The following SNTB1 variants were observed in gnomAD, a reference collection of about 807,000 sequenced individuals.
The protein encoded by SNTB1 is beta-1-syntrophin.
A neutral mutation model predicts 48.9 loss-of-function variants in SNTB1; 36 were observed. The observed-to-expected ratio is 0.74, with a 90% CI of 0.56 to 0.97. SNTB1 has a LOEUF of 0.97. SNTB1 is among the 50% of genes least tolerant of loss of function. SNTB1 has a pLI of 0.00. For missense variants in SNTB1, 786 were observed against 703.4 expected (o/e 1.12, Z -1.33); for synonymous variants, 299 against 294.6 (o/e 1.01, Z -0.15).
intron 1 of SNTB1, among the ~76,000 whole-genome samples, chr8:120,801,914 C>T (rs1408700856): frequency 1.3e-5 from 2 of 152,100 alleles, no homozygotes; most frequent in African/African-American, 4.8e-5. Flanking sequence ...AAATTCGAGA[C>T]CTGCAAGTTC....
At chr8:120,590,106 T>G (rs1480796088) in intron 3 of SNTB1, among the ~76,000 whole-genome samples, 1 of 152,178 alleles carries the variant, frequency 6.6e-6, no homozygotes, top group Non-Finnish European at 1.5e-5. Context: ...CATCCTACAC[T>G]GCAAAGAATC....
At chr8:120,655,179 TA>T (rs1048114958) in intron 2 of SNTB1, 8 of 247,984 alleles carry the variant, frequency 3.2e-5, no homozygotes, top group Non-Finnish European at 4.0e-5. Flanking sequence ...TTAGAAAACT[TA>T]AAAAAAAGAA....
In SNTB1 at chr8:120,693,617, T is replaced by A. The variant is rs181543741; in HGVS notation, c.788+75A>T. 169 of 1,261,402 alleles carry A rather than the reference T, an allele frequency of 1.3e-4. 2 individuals carry two copies. The East Asian group carries it at 3.1e-3, about 23-fold the overall frequency. The allele number at this position is 1,261,402 out of a possible 1,614,324, so 78.1% of individuals were successfully genotyped here. A position where few individuals can be genotyped will look rare whatever the true frequency, so the allele number is the denominator to read the frequency against. On this transcript the variant is annotated intron_variant, in intron 2 of 6. Coordinates refer to ENST00000517992, the MANE Select transcript of SNTB1 (RefSeq NM_021021.4). ...ATGTGTTTTCAGAACATGAGGGCAA[T>A]CTCGTGAAAGCCCCCATTTAGCCTG...
intron 1 of SNTB1, among the ~76,000 whole-genome samples, chr8:120,794,350 C>G (rs1820087065): frequency 6.6e-6 from 1 of 152,002 alleles, no homozygotes; most frequent in Non-Finnish European, 1.5e-5. Context: ...TTTCTCAGAC[C>G]TTCACATACA....
intron 1 of SNTB1, among the ~76,000 whole-genome samples, chr8:120,810,302 T>C (rs113055892): frequency 0.021 from 3,182 of 152,266 alleles, 136 homozygotes; most frequent in African/African-American, 0.073. Flanking sequence ...AATGCAGCTG[T>C]AGGCAGACAG....
At chr8:120,579,912 G>C (rs1252917847) in intron 3 of SNTB1, among the ~76,000 whole-genome samples, 1 of 152,134 alleles carries the variant, frequency 6.6e-6, no homozygotes, top group African/African-American at 2.4e-5. Flanking sequence ...AAAAATCATA[G>C]CTATTTTTTA....
chr8:120,805,213 G>A (rs1361431985), intron 1 of SNTB1, among the ~76,000 whole-genome samples: 1 of 146,066 alleles, frequency 6.8e-6, no homozygotes, highest in Non-Finnish European at 1.5e-5. Flanking sequence ...GATTTGGTAG[G>A]CAGAAGAATG....
chr8:120,537,397 A>G lies in SNTB1; in HGVS notation c.*1480T>C, dbSNP rs185220166. ...CCACTCAGTCAAGCCCCTTGGAACT[A>G]GCGTCATATGATATATTCTTTGGGG... On this transcript the variant is annotated 3_prime_UTR_variant, in exon 7 of 7. Transcript: ENST00000517992. The G allele has an allele frequency of 6.6e-6, 1 of 152,336 alleles. No individual in the cohort carries two copies. Among genetic ancestry groups the G allele is most frequent in the East Asian group, 1.9e-4 (1 of 5,190 alleles). 9.4% of individuals were successfully genotyped at this position (152,336 alleles called of 1,614,324 possible).
At chr8:120,672,135 T>C (rs932913854) in intron 2 of SNTB1, among the ~76,000 whole-genome samples, 1 of 151,766 alleles carries the variant, frequency 6.6e-6, no homozygotes, top group Non-Finnish European at 1.5e-5. Flanking sequence ...TGTAGGCTAA[T>C]GTAAGTGTTC....
chr8:120,560,913 A>T (rs1815643050), intron 4 of SNTB1, among the ~76,000 whole-genome samples: 1 of 152,204 alleles, frequency 6.6e-6, no homozygotes, highest in African/African-American at 2.4e-5. Flanking sequence ...ACTGCTTAGG[A>T]TCCCACAGTT....
intron 4 of SNTB1, among the ~76,000 whole-genome samples, chr8:120,571,614 C>T (rs1407612917): frequency 2.7e-5 from 4 of 149,708 alleles, no homozygotes; most frequent in Non-Finnish European, 4.4e-5. Context: ...TCTCCTGGCT[C>T]AGCCTCCTGA....
chr8:120,665,597 A>G (rs1477247165), intron 2 of SNTB1, among the ~76,000 whole-genome samples: 4 of 152,120 alleles, frequency 2.6e-5, no homozygotes, highest in African/African-American at 9.7e-5. Context: ...CAATTTATCA[A>G]TTTTTGCTTT....
At chr8:120,571,106 T>A (rs1815834967) in intron 4 of SNTB1, 1 of 787,376 alleles carries the variant, frequency 1.3e-6, no homozygotes, top group South Asian at 2.2e-5. Flanking sequence ...AATGAATGAA[T>A]GAAAAAGCAG....
At chr8:120,755,171 T>TGTGA (rs1452003206) in intron 1 of SNTB1, among the ~76,000 whole-genome samples, 16 of 92,872 alleles carry the variant, frequency 1.7e-4, no homozygotes, top group Non-Finnish European at 3.3e-4. Context: ...TGTGTGTGTG[T>TGTGA]GAGAGAGAGA....
At chr8:120,707,684 T>C (rs1192448843) in intron 1 of SNTB1, among the ~76,000 whole-genome samples, 1 of 152,166 alleles carries the variant, frequency 6.6e-6, no homozygotes, top group Non-Finnish European at 1.5e-5. Flanking sequence ...TCGAGGTTCA[T>C]AGAGTTTAAA....
chr8:120,581,102 A>AAG, intron 3 of SNTB1, among the ~76,000 whole-genome samples: 1 of 123,992 alleles, frequency 8.1e-6, no homozygotes, highest in African/African-American at 3.0e-5. Context: ...AAAAAAAAAA[A>AAG]AAAAAGAGAA....
intron 2 of SNTB1, chr8:120,637,520 C>G: frequency 5.0e-6 from 1 of 199,570 alleles, no homozygotes; most frequent in Non-Finnish European, 1.0e-5. Context: ...CTTTAAAGTA[C>G]TTATTTTTAT....
intron 3 of SNTB1, among the ~76,000 whole-genome samples, chr8:120,588,114 C>G (rs1048268527): frequency 1.2e-4 from 18 of 152,062 alleles, no homozygotes; most frequent in African/African-American, 4.3e-4. Flanking sequence ...TGTTTTGTTT[C>G]CAAAGGATAA....
At chr8:120,719,630 G>T (rs191569705) in intron 1 of SNTB1, among the ~76,000 whole-genome samples, 2 of 152,268 alleles carry the variant, frequency 1.3e-5, no homozygotes, top group African/African-American at 4.8e-5. Context: ...GCTGAAGAAG[G>T]TTGAACTCGC....
Sources: allele counts gnomAD v4.1 joint callset (sites outside exome capture counted in the v4.1 genomes callset), GRCh38; gene constraint gnomAD v4.1.1; transcripts MANE v1.5; gene names NCBI Gene and HGNC (gene_info 2026-07-23, HGNC 2026-07-21).